The following ZNF66 variants were observed in gnomAD, a reference collection of about 807,000 sequenced individuals.
ZNF66 encodes putative zinc finger protein 66.
Under a neutral mutation model 35.2 loss-of-function variants are expected in ZNF66, and 32 were observed. That is an observed-to-expected ratio of 0.91 (90% CI 0.69 to 1.22). The LOEUF (loss-of-function observed/expected upper bound fraction) is 1.22, where lower values mean the gene tolerates loss of function less well. Among genes scored for constraint, ZNF66 ranks in the 50% most tolerant of loss-of-function variants. ZNF66 has a pLI of 0.00. For missense variants in ZNF66, 666 were observed against 543.1 expected (o/e 1.23, Z -2.25); for synonymous variants, 231 against 181.3 (o/e 1.27, Z -2.20).
chr19:20,792,564 A>G lies in ZNF66; in HGVS notation c.56A>G (p.His19Arg), dbSNP rs1264412372. The G allele has an allele frequency of 1.3e-6, 2 of 1,529,946 alleles. No homozygotes were observed. Among genetic ancestry groups the G allele is most frequent in the Non-Finnish European group, 1.8e-6 (2 of 1,107,446 alleles). 94.8% of individuals were successfully genotyped at this position (1,529,946 alleles called of 1,614,324 possible). The change falls in exon 2 of 4, where the codon CAT (histidine) becomes CGT (arginine). Residue 19 changes from histidine (H) to arginine (R), a missense_variant. His to Arg is a conservative substitution (Grantham distance 29). Transcript: ENST00000344519. ...VAIEFSLEEW[H>R]CLDMAQRNLY... ...ATAGAATTCTCTCTGGAGGAGTGGC[A>G]TTGCCTGGACATGGCACAGCGGAAT...
intron 3 of ZNF66, chr19:20,799,107 G>T (rs1306396665): frequency 7.0e-6 from 1 of 143,364 alleles, no homozygotes; most frequent in Non-Finnish European, 1.5e-5. Context: ...TGTTGCCCAG[G>T]CTAAAGTGCA....
chr19:20,800,250 C>T (rs1971435767), intron 3 of ZNF66, among the ~76,000 whole-genome samples: 2 of 152,086 alleles, frequency 1.3e-5, no homozygotes, highest in African/African-American at 4.8e-5. Context: ...CTTTTGGCCC[C>T]AGTGGATCTC....
intron 3 of ZNF66, among the ~76,000 whole-genome samples, chr19:20,797,189 A>ATTTTTTTTTTTTTTTTTT (rs142052913): frequency 4.4e-5 from 2 of 45,480 alleles, no homozygotes; most frequent in Non-Finnish European, 8.3e-5. Flanking sequence ...TGCATGCTAG[A>ATTTTTTTTTTTTTTTTTT]TTTTTTTTTT....
chr19:20,783,882 A>G (rs1157217483), intron 1 of ZNF66, among the ~76,000 whole-genome samples: 4 of 151,946 alleles, frequency 2.6e-5, no homozygotes, highest in Non-Finnish European at 4.4e-5. Context: ...TTTGAGACAG[A>G]CTCTCACTCT....
In ZNF66 at chr19:20,806,469, G is replaced by A; in HGVS notation, c.869G>A (p.Cys290Tyr). The A allele has an allele frequency of 6.5e-7, 1 of 1,536,566 alleles. No individual in the cohort carries two copies. The highest frequency in any genetic ancestry group is 9.0e-7 in the Non-Finnish European group (1 of 1,110,208). The change falls in exon 4 of 4, where the codon TGT (cysteine) becomes TAT (tyrosine). Residue 290 changes from cysteine (C) to tyrosine (Y), a missense_variant. Cys to Tyr is a radical substitution (Grantham distance 194). Transcript: ENST00000344519. Reference sequence around the variant, plus strand: ...GAGAAACCCTACAAATGTGAAGAATGTGGCAAAGTTTTTAAGTACCTTTCT... The same window carrying A: ...GAGAAACCCTACAAATGTGAAGAATATGGCAAAGTTTTTAAGTACCTTTCT... ...TGEKPYKCEE[C>Y]GKVFKYLSSL...
At chr19:20,782,658 A>G (rs1971255233) in intron 1 of ZNF66, among the ~76,000 whole-genome samples, 1 of 151,014 alleles carries the variant, frequency 6.6e-6, no homozygotes, top group East Asian at 1.9e-4. Flanking sequence ...CTTGTTAGCC[A>G]CATGTATATC....
rs1358524816 is a variant in ZNF66, at chr19:20,808,395, GCCT to G, written c.*1078_*1080del. Among the ~76,000 whole-genome samples, 5 of 152,208 alleles carry G rather than the reference GCCT, an allele frequency of 3.3e-5. No homozygotes were observed. The highest frequency in any genetic ancestry group is 1.2e-4 in the African/African-American group (5 of 41,460). ...CTGGAGATCTGAGAACGGGCAGACT[GCCT>G]CCTCAAGTGGGTCTCTGACCCCCGA... is the stretch of plus-strand genomic sequence containing the variant. On this transcript the variant is annotated 3_prime_UTR_variant, in exon 4 of 4. Transcript: ENST00000344519.
chr19:20,799,252 G>T (rs1971426134), intron 3 of ZNF66: 1 of 151,624 alleles, frequency 6.6e-6, no homozygotes, highest in African/African-American at 2.4e-5. Flanking sequence ...AGTAGAAATG[G>T]TATTTCACCA....
At position 20,808,385 on chromosome 19, in the gene ZNF66, C is replaced by A. The variant is rs143538557; in HGVS notation, c.*1063C>A. On this transcript the variant is annotated 3_prime_UTR_variant, in exon 4 of 4. Transcript: ENST00000344519. ...CAGCACGCAGCTGGAGATCTGAGAA[C>A]GGGCAGACTGCCTCCTCAAGTGGGT... Among the ~76,000 whole-genome samples, 2 of 152,214 alleles carry A rather than the reference C, an allele frequency of 1.3e-5. No individual in the cohort carries two copies. The highest frequency in any genetic ancestry group is 1.9e-4 in the East Asian group (1 of 5,194).
intron 2 of ZNF66, among the ~76,000 whole-genome samples, chr19:20,793,365 C>T (rs942666472): frequency 8.3e-6 from 1 of 120,648 alleles, no homozygotes; most frequent in Non-Finnish European, 1.6e-5. Context: ...GAGTCTCACT[C>T]TGTTCCCCAG....
intron 3 of ZNF66, among the ~76,000 whole-genome samples, chr19:20,804,863 G>GCAA (rs1195454675): frequency 3.3e-5 from 5 of 152,104 alleles, no homozygotes; most frequent in Admixed American, 3.3e-4. Flanking sequence ...TTAATAATCA[G>GCAA]TAATCACTTG....
At chr19:20,776,629 T>G in intron 1 of ZNF66, 179 bp downstream of exon 1, 5 of 947,662 alleles carry the variant, frequency 5.3e-6, no homozygotes, top group Non-Finnish European at 3.2e-6. Flanking sequence ...GTCCTGTCGC[T>G]TCCCCGCGCA....
intron 1 of ZNF66, among the ~76,000 whole-genome samples, chr19:20,786,936 T>C (rs1475046009): frequency 6.6e-6 from 1 of 152,168 alleles, no homozygotes; most frequent in Admixed American, 6.6e-5. Flanking sequence ...TAATTTTGTA[T>C]TTTTAGTAGA....
At chr19:20,790,832 A>T (rs1292147726) in intron 1 of ZNF66, among the ~76,000 whole-genome samples, 2 of 152,152 alleles carry the variant, frequency 1.3e-5, no homozygotes, top group Non-Finnish European at 2.9e-5. Context: ...CCATGTATCT[A>T]GTACTTGAAA....
rs1347212994 is a variant in ZNF66, at chr19:20,806,311, C to G, written c.711C>G (p.Ala237=). 1.3e-6 allele frequency: 2 copies of G among 1,510,034 alleles called. No individual in the cohort carries two copies. Among genetic ancestry groups the G allele is most frequent in the African/African-American group, 2.8e-5 (2 of 72,576 alleles). 93.5% of individuals were successfully genotyped at this position (1,510,034 alleles called of 1,614,324 possible). A position where few individuals can be genotyped will look rare whatever the true frequency, so the allele number is the denominator to read the frequency against. The change falls in exon 4 of 4, where the codon GCC becomes GCG. Residue 237 remains alanine (A), a synonymous_variant. Coordinates refer to ENST00000344519, the MANE Select transcript of ZNF66 (RefSeq NM_001355197.2). ...KRYKCEDCGK[A]FNRSSNLTTH... ...ACAAATGTGAAGACTGTGGCAAAGC[C>G]TTTAACCGCTCCTCTAACCTTACTA...
In ZNF66 at chr19:20,806,932, G is replaced by T; in HGVS notation, c.1332G>T (p.Lys444Asn). 1 of 1,189,432 alleles carries T rather than the reference G, an allele frequency of 8.4e-7. No homozygotes were observed. The highest frequency in any genetic ancestry group is 1.3e-6 in the Non-Finnish European group (1 of 794,560). The allele number at this position is 1,189,432 out of a possible 1,614,324, so 73.7% of individuals were successfully genotyped here. Residue 444 changes from lysine to asparagine, a missense_variant, in exon 4 of 4, where the codon AAG becomes AAT. Transcript: ENST00000344519. Reference sequence around the variant, plus strand: ...GGTCCTCTATTCTTACTACACATAAGATAATTCACACTGGAGAGAAACCCT... The same window carrying T: ...GGTCCTCTATTCTTACTACACATAATATAATTCACACTGGAGAGAAACCCT... ...FSRSSILTTHKIIHTGEKPYE... is the reference protein window; with the variant it reads ...FSRSSILTTHNIIHTGEKPYE...
rs776965743 is a variant in ZNF66, at chr19:20,806,319, G to T, written c.719G>T (p.Arg240Leu). 13 of 1,518,538 alleles carry T rather than the reference G, an allele frequency of 8.6e-6. No individual in the cohort carries two copies. The highest frequency in any genetic ancestry group is 1.2e-5 in the Non-Finnish European group (13 of 1,094,848). 94.1% of individuals were successfully genotyped at this position (1,518,538 alleles called of 1,614,324 possible). Reference sequence around the variant, plus strand: ...GAAGACTGTGGCAAAGCCTTTAACCGCTCCTCTAACCTTACTACACATAAG... The same window carrying T: ...GAAGACTGTGGCAAAGCCTTTAACCTCTCCTCTAACCTTACTACACATAAG... ...KCEDCGKAFNRSSNLTTHKKI... is the reference protein window; with the variant it reads ...KCEDCGKAFNLSSNLTTHKKI... The change falls in exon 4 of 4, where the codon CGC becomes CTC. Residue 240 changes from arginine to leucine, a missense_variant. By Grantham distance (102) the Arg-to-Leu change is moderately radical (BLOSUM62 -2). Transcript: ENST00000344519.
intron 3 of ZNF66, among the ~76,000 whole-genome samples, chr19:20,803,705 G>T (rs191140027): frequency 1.1e-4 from 16 of 151,878 alleles, no homozygotes; most frequent in African/African-American, 3.9e-4. Context: ...TATGATTATG[G>T]GTTGTTTTCT....
At chr19:20,778,479 G>C (rs1240884483) in intron 1 of ZNF66, among the ~76,000 whole-genome samples, 1 of 152,090 alleles carries the variant, frequency 6.6e-6, no homozygotes, top group Admixed American at 6.5e-5. Context: ...TTTTCTTATA[G>C]GGGTATAAAA....
Sources: allele counts gnomAD v4.1 joint callset (sites outside exome capture counted in the v4.1 genomes callset), GRCh38; gene constraint gnomAD v4.1.1; transcripts MANE v1.5; gene names NCBI Gene and HGNC (gene_info 2026-07-23, HGNC 2026-07-21).